SV2B: variants seen among roughly 807,000 people sequenced by gnomAD.
SV2B encodes synaptic vesicle glycoprotein 2B.
SV2B carries 41 observed loss-of-function variants against 73.9 expected under a neutral mutation model. That is an observed-to-expected ratio of 0.56 (90% CI 0.43 to 0.72). The LOEUF (loss-of-function observed/expected upper bound fraction) is 0.72. SV2B is among the 30% of genes least tolerant of loss of function. The pLI is 0.00. For missense variants in SV2B, 764 were observed against 857.8 expected (o/e 0.89, Z 1.37); for synonymous variants, 314 against 314.2 (o/e 1.00, Z 0.01).
chr15:91,145,179 C>A (rs938717603), intron 1 of SV2B, among the ~76,000 whole-genome samples: 14 of 152,138 alleles, frequency 9.2e-5, no homozygotes, highest in Non-Finnish European at 1.3e-4. Flanking sequence ...TGCTTTCCCC[C>A]TCACCCATGT....
intron 9 of SV2B, among the ~76,000 whole-genome samples, chr15:91,275,287 T>TA (rs2048447603): frequency 6.6e-6 from 1 of 152,200 alleles, no homozygotes; most frequent in Non-Finnish European, 1.5e-5. Flanking sequence ...TTCCTCTTTG[T>TA]AAAAAATTTA....
chr15:91,261,648 A>T lies in SV2B; in HGVS notation c.1008+1239A>T, dbSNP rs945078572. Among the ~76,000 whole-genome samples, 9 of 152,206 alleles carry T rather than the reference A, an allele frequency of 5.9e-5. No homozygotes were observed. The highest frequency in any genetic ancestry group is 1.3e-4 in the Non-Finnish European group (9 of 68,038). ...AGCTCTTGAGATACATTGCCAAATC[A>T]TAATACATTTCAACTGGGTTGTACC... On this transcript the variant is annotated intron_variant, in intron 6 of 12. Coordinates refer to ENST00000394232, the MANE Select transcript of SV2B (RefSeq NM_001323032.3). This position sits in a 1 kb window ranked among gnomAD's most constrained non-coding sequence, Gnocchi z 4.7.
At chr15:91,225,421 C>T (rs2046340768) in intron 1 of SV2B, among the ~76,000 whole-genome samples, 1 of 152,218 alleles carries the variant, frequency 6.6e-6, no homozygotes, top group Admixed American at 6.5e-5. Flanking sequence ...CCACTATTGC[C>T]AAAGGCTTGA....
rs572377567 is a variant in SV2B at position 91,131,234 on chromosome 15, C to A, written c.-392+30871C>A. On this transcript the variant is annotated intron_variant, in intron 1 of 12. Coordinates refer to ENST00000394232, the MANE Select transcript of SV2B (RefSeq NM_001323032.3). ...TGAACTCCTGGGCTCATGCAATTCT[C>A]CTGCCCTGGCCTCCCAAAGTGTTGG... Among the ~76,000 whole-genome samples the A allele has an allele frequency of 5.4e-5, 8 of 148,334 alleles. No homozygotes were observed. The East Asian group carries it at 1.6e-3, about 29-fold the overall frequency.
intron 1 of SV2B, among the ~76,000 whole-genome samples, chr15:91,144,540 T>G (rs2043090094): frequency 1.3e-5 from 2 of 152,192 alleles, no homozygotes; most frequent in African/African-American, 4.8e-5. Context: ...CTATAATACT[T>G]TCTTAATAAT....
chr15:91,206,061 A>G (rs1232249253), intron 1 of SV2B, among the ~76,000 whole-genome samples: 5 of 152,082 alleles, frequency 3.3e-5, no homozygotes, highest in African/African-American at 4.8e-5. Flanking sequence ...TTTTTGAGAC[A>G]GGGTCTTCCT....
At chr15:91,269,174 A>G (rs2048212781) in intron 9 of SV2B, among the ~76,000 whole-genome samples, 1 of 151,604 alleles carries the variant, frequency 6.6e-6, no homozygotes, top group South Asian at 2.1e-4. Context: ...TGCTTCCTCA[A>G]TCCATTTTAC....
Position 91,197,917 on chromosome 15 carries a change from C to T in SV2B, c.-391-27956C>T, listed in dbSNP as rs2045309732. ...GGCATGGTGGGGGACCCGTGTAATC[C>T]CAGCTACTTGGCAGGCTGAAGCAGG... On this transcript the variant is annotated intron_variant, in intron 1 of 12. Transcript: ENST00000394232. The surrounding 1 kb of genome is among the most constrained non-coding windows in gnomAD (Gnocchi z 4.9). 1.3e-5 allele frequency among the ~76,000 whole-genome samples: 2 copies of T among 151,994 alleles called. No homozygotes were observed. The highest frequency in any genetic ancestry group is 2.9e-5 in the Non-Finnish European group (2 of 67,996).
intron 9 of SV2B, among the ~76,000 whole-genome samples, chr15:91,271,745 A>T (rs1185234670): frequency 6.6e-6 from 1 of 152,048 alleles, no homozygotes; most frequent in Non-Finnish European, 1.5e-5. Context: ...TCTTTTCTTG[A>T]GTTATGCTGC....
Position 91,139,138 on chromosome 15 carries a change from A to T in SV2B, c.-392+38775A>T, listed in dbSNP as rs1050122171. Among the ~76,000 whole-genome samples the T allele has an allele frequency of 3.3e-5, 5 of 152,202 alleles. No individual in the cohort carries two copies. Among genetic ancestry groups the T allele is most frequent in the African/African-American group, 1.2e-4 (5 of 41,446 alleles). ...TTTAAAAATTGTTACTGATGTGCGTATGGCTAAAATCATATGATGTTGGGC... is the reference window on the plus strand; with the variant it reads ...TTTAAAAATTGTTACTGATGTGCGTTTGGCTAAAATCATATGATGTTGGGC... On this transcript the variant is annotated intron_variant, in intron 1 of 12. Coordinates refer to ENST00000394232, the MANE Select transcript of SV2B (RefSeq NM_001323032.3). This position sits in a 1 kb window ranked among gnomAD's most constrained non-coding sequence, Gnocchi z 5.2.
intron 1 of SV2B, among the ~76,000 whole-genome samples, chr15:91,178,179 T>C (rs1174325550): frequency 6.6e-6 from 1 of 151,758 alleles, no homozygotes; most frequent in Non-Finnish European, 1.5e-5. Flanking sequence ...GTTCTGTTTA[T>C]ATGCTGGATT....
intron 1 of SV2B, among the ~76,000 whole-genome samples, chr15:91,146,732 G>A (rs1339833407): frequency 6.6e-6 from 1 of 152,180 alleles, no homozygotes; most frequent in African/African-American, 2.4e-5. Context: ...AGGGACTACA[G>A]TATAAAAAGT....
At position 91,243,278 on chromosome 15, in the gene SV2B, A is replaced by C. The variant is rs534233551; in HGVS notation, c.452-8541A>C. On this transcript the variant is annotated intron_variant, in intron 2 of 12. Transcript: ENST00000394232. Reference sequence around the variant, plus strand: ...TGTCATACCTCCACTGGCCCAGGTGACACCTCCTCTTACCCGTCTCACCTG... The same window carrying C: ...TGTCATACCTCCACTGGCCCAGGTGCCACCTCCTCTTACCCGTCTCACCTG... Among the ~76,000 whole-genome samples the C allele has an allele frequency of 2.5e-4, 38 of 152,266 alleles. 1 individual carries two copies. The highest frequency in any genetic ancestry group is 7.7e-4 in the African/African-American group (32 of 41,552).
chr15:91,274,787 A>G (rs1567422468), intron 9 of SV2B, among the ~76,000 whole-genome samples: 1 of 152,158 alleles, frequency 6.6e-6, no homozygotes, highest in Non-Finnish European at 1.5e-5. Flanking sequence ...TATTCTTAGA[A>G]ATAAAAATGT....
chr15:91,228,512 C>G (rs183556535), intron 2 of SV2B, among the ~76,000 whole-genome samples: 1 of 152,296 alleles, frequency 6.6e-6, no homozygotes, highest in Admixed American at 6.5e-5. Context: ...AACTGAAACC[C>G]TGGGTCCCTG....
At chr15:91,174,149 G>A (rs2044221158) in intron 1 of SV2B, among the ~76,000 whole-genome samples, 1 of 152,208 alleles carries the variant, frequency 6.6e-6, no homozygotes, top group Non-Finnish European at 1.5e-5. Context: ...ACAGCCTTTA[G>A]CAACTCCAAT....
intron 9 of SV2B, among the ~76,000 whole-genome samples, chr15:91,279,428 G>A (rs982378449): frequency 7.9e-5 from 12 of 152,234 alleles, no homozygotes; most frequent in Non-Finnish European, 8.8e-5. Context: ...TAAAGGAAAA[G>A]CTTACAAAGT....
rs1317320493 is a variant in SV2B, at chr15:91,158,678, TCTCTTCTCTTCTCTTCTCTTCTCTC to T, written c.-392+58320_-392+58344del. Among the ~76,000 whole-genome samples the T allele has an allele frequency of 3.0e-5, 2 of 67,056 alleles. 1 individual carries two copies. Among genetic ancestry groups the T allele is most frequent in the Non-Finnish European group, 6.0e-5 (2 of 33,506 alleles). 44.0% of individuals were successfully genotyped at this position (67,056 alleles called of 152,430 possible). ...TCTCTTCTCTTCTCTTCTCTTCTCT[TCTCTTCTCTTCTCTTCTCTTCTCTC>T]CTCTCCTCTCCTCTCCTCTCCTCTC... On this transcript the variant is annotated intron_variant, in intron 1 of 12. Coordinates refer to ENST00000394232, the MANE Select transcript of SV2B (RefSeq NM_001323032.3).
intron 1 of SV2B, among the ~76,000 whole-genome samples, chr15:91,166,566 T>C (rs2043919007): frequency 6.6e-6 from 1 of 151,976 alleles, no homozygotes; most frequent in African/African-American, 2.4e-5. Flanking sequence ...TCTCCTCCTC[T>C]TTAGAGACCC....
Sources: allele counts gnomAD v4.1 joint callset (sites outside exome capture counted in the v4.1 genomes callset), GRCh38; gene constraint gnomAD v4.1.1; non-coding constraint Gnocchi (gnomAD v3.1); transcripts MANE v1.5; gene names NCBI Gene and HGNC (gene_info 2026-07-23, HGNC 2026-07-21).